The following TNKS2 variants were observed in gnomAD, a reference collection of about 807,000 sequenced individuals.
The protein encoded by TNKS2 is poly [ADP-ribose] polymerase tankyrase-2.
TNKS2 carries 72 observed loss-of-function variants against 137.6 expected under a neutral mutation model. The ratio of observed to expected loss-of-function variants is 0.52; its 90% CI spans 0.43 to 0.64. TNKS2 has a LOEUF of 0.64. Among genes scored for constraint, TNKS2 ranks in the 30% least tolerant of loss-of-function variants. The pLI, the probability that TNKS2 is intolerant of heterozygous loss-of-function variation, is 0.00. For synonymous variants in TNKS2, 516 were observed against 512.1 expected, an observed-to-expected ratio of 1.01 and a Z score of -0.10; for missense variants, 1,049 against 1,410.2, an observed-to-expected ratio of 0.74 and a Z score of 4.10.
At chr10:91,825,166 A>G (rs190156781) in intron 7 of TNKS2, among the ~76,000 whole-genome samples, 13 of 152,168 alleles carry the variant, frequency 8.5e-5, no homozygotes, top group Admixed American at 7.2e-4. Context: ...CAGTGGCACA[A>G]TCATGGCTCA....
At chr10:91,852,299 T>C (rs1842563459) in intron 21 of TNKS2, among the ~76,000 whole-genome samples, 1 of 151,666 alleles carries the variant, frequency 6.6e-6, no homozygotes, top group Admixed American at 6.6e-5. Context: ...GGCTCATGTC[T>C]GTAATCCCAG....
chr10:91,842,123 G>A (rs901917543), intron 15 of TNKS2, 49 bp from the exon 16 acceptor site: 5 of 1,340,552 alleles, frequency 3.7e-6, no homozygotes, highest in Non-Finnish European at 4.2e-6. Context: ...ATTGACCAAA[G>A]GCACATTTAA....
chr10:91,834,582 G>A (rs1390928923), intron 12 of TNKS2, among the ~76,000 whole-genome samples: 3 of 152,190 alleles, frequency 2.0e-5, no homozygotes, highest in Non-Finnish European at 4.4e-5. Flanking sequence ...ACATCTGAAA[G>A]CTCAGATGAG....
At chr10:91,842,711 C>T (rs1215130059) in intron 16 of TNKS2, among the ~76,000 whole-genome samples, 2 of 151,978 alleles carry the variant, frequency 1.3e-5, no homozygotes, top group African/African-American at 4.8e-5. Flanking sequence ...GTCACGGATG[C>T]AATAAGCCTT....
chr10:91,841,540 A>G, intron 15 of TNKS2, 92 bp downstream of exon 15: 1 of 847,052 alleles, frequency 1.2e-6, no homozygotes. Context: ...TAAACTAGTA[A>G]GCAATGGGAA....
intron 9 of TNKS2, 44 bp downstream of exon 9, chr10:91,828,450 C>T (rs1845134552): frequency 4.0e-6 from 6 of 1,481,972 alleles, no homozygotes; most frequent in Non-Finnish European, 5.4e-6. Flanking sequence ...TAACGAAGAA[C>T]GTGCTAAACT....
chr10:91,831,472 T>G (rs1297289582), intron 11 of TNKS2, among the ~76,000 whole-genome samples: 1 of 152,162 alleles, frequency 6.6e-6, no homozygotes, highest in Non-Finnish European at 1.5e-5. Flanking sequence ...CTATCATCTT[T>G]TCTAATCGTC....
intron 19 of TNKS2, 38 bp downstream of exon 19, chr10:91,848,673 T>C (rs749343652): frequency 6.2e-7 from 1 of 1,605,596 alleles, no homozygotes; most frequent in Admixed American, 1.7e-5. Flanking sequence ...TAACTGGTAT[T>C]GTAGCCCCGT....
intron 13 of TNKS2, among the ~76,000 whole-genome samples, chr10:91,839,425 G>T (rs191545668): frequency 6.6e-6 from 1 of 151,340 alleles, no homozygotes; most frequent in Non-Finnish European, 1.5e-5. Flanking sequence ...TCACTGCAAC[G>T]TCTGCCTCCC....
chr10:91,827,068 GA>G lies in TNKS2; in HGVS notation c.848del (p.Glu283GlyfsTer15). Reference protein sequence around the residue: ...MDLWQFTPLHEAASKNRVEVC... With the variant: ...MDLWQFTPLHXAASKNRVEVC... ...CTTGTGGCAATTCACTCCTCTTCAT[GA>G]GGCAGCTTCTAAGAACAGGGTTGAA... On this transcript the variant is annotated frameshift_variant, in exon 8 of 27. Coordinates refer to ENST00000371627, the MANE Select transcript of TNKS2 (RefSeq NM_025235.4). LOFTEE classifies it high-confidence loss of function. 1 of 1,607,376 alleles carries G rather than the reference GA, an allele frequency of 6.2e-7. No individual in the cohort carries two copies. The highest frequency in any genetic ancestry group is 8.5e-7 in the Non-Finnish European group (1 of 1,176,786).
rs767089284 is a variant in TNKS2 at position 91,830,913 on chromosome 10, A to C, written c.1105-10A>C. On this transcript the variant is annotated splice_polypyrimidine_tract_variant and intron_variant, in intron 9 of 26. Coordinates refer to ENST00000371627, the MANE Select transcript of TNKS2 (RefSeq NM_025235.4). ...AGTCCTTGATTAATGCTGCAATTTA[A>C]ATTATTTAGCATTGTGCTGCTGCAT... 1.3e-6 allele frequency: 2 copies of C among 1,594,272 alleles called. No individual in the cohort carries two copies. Among genetic ancestry groups the C allele is most frequent in the South Asian group, 2.3e-5 (2 of 88,852 alleles).
intron 26 of TNKS2, 29 bp downstream of exon 26, chr10:91,862,184 A>C (rs761555830): frequency 1.3e-6 from 2 of 1,543,870 alleles, no homozygotes; most frequent in Non-Finnish European, 1.8e-6. Flanking sequence ...TTCATCTTCA[A>C]AAATGCTAGG....
intron 1 of TNKS2, among the ~76,000 whole-genome samples, chr10:91,800,784 T>C (rs1844141054): frequency 6.6e-6 from 1 of 152,224 alleles, no homozygotes; most frequent in Non-Finnish European, 1.5e-5. Flanking sequence ...TTTTTAAAAA[T>C]TGGGTTTGTA....
chr10:91,824,779 A>G (rs1373710561), intron 7 of TNKS2, among the ~76,000 whole-genome samples: 1 of 152,220 alleles, frequency 6.6e-6, no homozygotes, highest in Non-Finnish European at 1.5e-5. Context: ...CTCTGGGTGA[A>G]GCCAGTAAGA....
intron 11 of TNKS2, among the ~76,000 whole-genome samples, chr10:91,832,619 T>C (rs187645119): frequency 1.4e-4 from 22 of 152,296 alleles, no homozygotes; most frequent in African/African-American, 4.6e-4. Context: ...TTTAGGTTCA[T>C]TGAGGTCTTG....
chr10:91,835,501 G>GA (rs1841977850), intron 12 of TNKS2, among the ~76,000 whole-genome samples: 1 of 150,254 alleles, frequency 6.7e-6, no homozygotes, highest in South Asian at 2.1e-4. Flanking sequence ...ATGTTGGCCA[G>GA]ACTGGTCTCA....
chr10:91,827,522 A>T (rs980235309), intron 8 of TNKS2, among the ~76,000 whole-genome samples: 2 of 152,206 alleles, frequency 1.3e-5, no homozygotes, highest in Non-Finnish European at 2.9e-5. Flanking sequence ...TGTTTAATCT[A>T]TGAAGCTTAT....
intron 12 of TNKS2, among the ~76,000 whole-genome samples, chr10:91,834,451 G>A (rs532469309): frequency 1.6e-4 from 24 of 152,068 alleles, no homozygotes; most frequent in African/African-American, 5.5e-4. Context: ...AAAAGATTTA[G>A]ATCAAATATC....
At chr10:91,836,755 T>C (rs1842033107) in intron 12 of TNKS2, 164 bp from the exon 13 acceptor site, 2 of 985,450 alleles carry the variant, frequency 2.0e-6, no homozygotes, top group African/African-American at 1.7e-5. Flanking sequence ...GAGAATCTTA[T>C]TTTTCACTCC....
Sources: allele counts gnomAD v4.1 joint callset (sites outside exome capture counted in the v4.1 genomes callset), GRCh38; gene constraint gnomAD v4.1.1; transcripts MANE v1.5; gene names NCBI Gene and HGNC (gene_info 2026-07-23, HGNC 2026-07-21).